The following HS6ST3 variants were observed in gnomAD, a reference collection of about 807,000 sequenced individuals.
The protein encoded by HS6ST3 is heparan sulfate 6-O-sulfotransferase 3, also known as heparan-sulfate 6-O-sulfotransferase 3.
Under a neutral mutation model 36.7 loss-of-function variants are expected in HS6ST3, and 12 were observed. The observed-to-expected ratio is 0.33, with a 90% confidence interval of 0.21 to 0.53. The LOEUF (loss-of-function observed/expected upper bound fraction) is 0.53. HS6ST3 is among the 20% of genes least tolerant of loss of function. The probability of loss-of-function intolerance (pLI) is 0.95; values close to 1 mark genes in which losing one functional copy is unlikely to be tolerated. For synonymous variants in HS6ST3, 240 were observed against 257.5 expected, an observed-to-expected ratio of 0.93 and a Z score of 0.65; for missense variants, 584 against 640.9, an observed-to-expected ratio of 0.91 and a Z score of 0.96.
chr13:96,252,200 G>A (rs2054611036), intron 1 of HS6ST3, among the ~76,000 whole-genome samples: 1 of 152,158 alleles, frequency 6.6e-6, no homozygotes, highest in African/African-American at 2.4e-5. Context: ...ATATTTAAGT[G>A]GTTTGAGGTT....
rs147121408 is a variant in HS6ST3 at position 96,269,767 on chromosome 13, G to A, written c.707+178198G>A. Among the ~76,000 whole-genome samples, 472 of 152,102 alleles carry A rather than the reference G, an allele frequency of 3.1e-3. 5 individuals are homozygous for A. Among genetic ancestry groups the A allele is most frequent in the Non-Finnish European group, 5.4e-3 (364 of 68,008 alleles). On this transcript the variant is annotated intron_variant, in intron 1 of 1. Coordinates refer to ENST00000376705, the MANE Select transcript of HS6ST3 (RefSeq NM_153456.4). ...AATCACTAATGTGCAATTTTGTCAG[G>A]AAGCAAGATGATAAGCAGGATGATC...
chr13:96,122,837 C>T (rs543618985), intron 1 of HS6ST3, among the ~76,000 whole-genome samples: 1 of 152,278 alleles, frequency 6.6e-6, no homozygotes, highest in African/African-American at 2.4e-5. Flanking sequence ...GACAGACCTG[C>T]TCTATCCGAG....
intron 1 of HS6ST3, among the ~76,000 whole-genome samples, chr13:96,557,612 G>T (rs984167841): frequency 1.3e-5 from 2 of 152,028 alleles, no homozygotes; most frequent in Non-Finnish European, 2.9e-5. Context: ...GAAGAATAAG[G>T]ATATCTACAC....
intron 1 of HS6ST3, among the ~76,000 whole-genome samples, chr13:96,114,988 AG>A (rs145000863): frequency 0.021 from 3,130 of 152,246 alleles, 107 homozygotes; most frequent in African/African-American, 0.069. Context: ...TGGGTTTAAT[AG>A]TTAGTCCAAG....
chr13:96,555,072 C>A (rs1257134535), intron 1 of HS6ST3, among the ~76,000 whole-genome samples: 4 of 150,834 alleles, frequency 2.7e-5, no homozygotes, highest in Non-Finnish European at 4.4e-5. Flanking sequence ...AGAGTGAGAC[C>A]CTGTCTCAAT....
At chr13:96,396,175 G>T (rs2055420368) in intron 1 of HS6ST3, among the ~76,000 whole-genome samples, 3 of 152,004 alleles carry the variant, frequency 2.0e-5, no homozygotes, top group Admixed American at 1.3e-4. Context: ...TTAGCCGGGT[G>T]TAGTAGTGGA....
chr13:96,487,101 T>C (rs1217368656), intron 1 of HS6ST3, among the ~76,000 whole-genome samples: 2 of 152,160 alleles, frequency 1.3e-5, no homozygotes, highest in Non-Finnish European at 2.9e-5. Flanking sequence ...TGATCATCTC[T>C]TGGGAAGTAT....
chr13:96,701,411 A>G lies in HS6ST3; in HGVS notation c.708-131079A>G, dbSNP rs964309263. Among the ~76,000 whole-genome samples, 24 of 152,306 alleles carry G rather than the reference A, an allele frequency of 1.6e-4. 2 individuals are homozygous for G. The highest frequency in any genetic ancestry group is 5.3e-4 in the African/African-American group (22 of 41,558). ...CCTAATTATGGTATTTAAGAATAAA[A>G]TTAGAAGAGGCTGGGTTTTAAATAA... On this transcript the variant is annotated intron_variant, in intron 1 of 1. Transcript: ENST00000376705.
At chr13:96,383,450 GA>G (rs202028896) in intron 1 of HS6ST3, among the ~76,000 whole-genome samples, 5 of 150,202 alleles carry the variant, frequency 3.3e-5, no homozygotes, top group Non-Finnish European at 7.4e-5. Flanking sequence ...GTCTCAAAAA[GA>G]AAAAAAAAGT....
intron 1 of HS6ST3, among the ~76,000 whole-genome samples, chr13:96,598,535 G>A (rs950918712): frequency 6.6e-6 from 1 of 152,100 alleles, no homozygotes; most frequent in Non-Finnish European, 1.5e-5. Context: ...TGTAACCTGA[G>A]ACGTTACTGA....
intron 1 of HS6ST3, among the ~76,000 whole-genome samples, chr13:96,102,521 AC>A (rs1166212314): frequency 6.6e-6 from 1 of 152,104 alleles, no homozygotes; most frequent in African/African-American, 2.4e-5. Flanking sequence ...ACTCTCATAG[AC>A]CATTCTTTGT....
chr13:96,127,082 T>C (rs544308588), intron 1 of HS6ST3, among the ~76,000 whole-genome samples: 5 of 152,306 alleles, frequency 3.3e-5, no homozygotes, highest in Admixed American at 3.3e-4. Flanking sequence ...TTCATACCTG[T>C]AATGGACTGA....
intron 1 of HS6ST3, among the ~76,000 whole-genome samples, chr13:96,221,103 C>T (rs1201498915): frequency 6.6e-6 from 1 of 152,134 alleles, no homozygotes; most frequent in East Asian, 1.9e-4. Flanking sequence ...CTCCCTCCAC[C>T]ATAAAAACGA....
intron 1 of HS6ST3, among the ~76,000 whole-genome samples, chr13:96,805,373 C>A (rs1188401851): frequency 6.6e-6 from 1 of 152,138 alleles, no homozygotes; most frequent in Non-Finnish European, 1.5e-5. Context: ...CCCTGCTTCT[C>A]CTTCCCCTTC....
chr13:96,802,180 G>A (rs906910856), intron 1 of HS6ST3, among the ~76,000 whole-genome samples: 3 of 152,036 alleles, frequency 2.0e-5, no homozygotes, highest in Non-Finnish European at 2.9e-5. Flanking sequence ...CCTGTAAACC[G>A]GTCCTTTACA....
chr13:96,305,190 G>C (rs947195119), intron 1 of HS6ST3, among the ~76,000 whole-genome samples: 48 of 152,092 alleles, frequency 3.2e-4, no homozygotes, highest in African/African-American at 1.2e-3. Flanking sequence ...AAAAAAATTA[G>C]GGAAATACTA....
chr13:96,106,453 A>G (rs1363997274), intron 1 of HS6ST3, among the ~76,000 whole-genome samples: 1 of 152,204 alleles, frequency 6.6e-6, no homozygotes, highest in African/African-American at 2.4e-5. Flanking sequence ...ACCTCCTTCC[A>G]ACAGCAGTGT....
rs138364941 is a variant in HS6ST3, at chr13:96,627,648, T to A, written c.708-204842T>A. ...TAATAGTAAGACTCTCTATGTAAAGTTATTCAGGCCTGCTATTTTTTCTTT... is the reference window on the plus strand; with the variant it reads ...TAATAGTAAGACTCTCTATGTAAAGATATTCAGGCCTGCTATTTTTTCTTT... On this transcript the variant is annotated intron_variant, in intron 1 of 1. Transcript: ENST00000376705. Among the ~76,000 whole-genome samples, 1,211 of 152,112 alleles carry A rather than the reference T, an allele frequency of 8.0e-3. 16 individuals carry two copies. Among genetic ancestry groups the A allele is most frequent in the African/African-American group, 0.027 (1,110 of 41,572 alleles).
intron 1 of HS6ST3, among the ~76,000 whole-genome samples, chr13:96,595,341 C>T (rs1266954193): frequency 2.0e-5 from 3 of 152,150 alleles, no homozygotes; most frequent in African/African-American, 7.2e-5. Context: ...TTGAATTTAT[C>T]ATCCCATTTC....
Sources: gnomAD v4.1 joint callset for allele counts (sites outside exome capture counted in the v4.1 genomes callset) on GRCh38, gnomAD v4.1.1 for gene constraint, MANE v1.5 for transcripts, NCBI Gene and HGNC (gene_info 2026-07-23, HGNC 2026-07-21) for gene names.